Variants in ZNF343 observed in about 807,000 individuals in gnomAD.
ZNF343 encodes zinc finger protein 343.
A neutral mutation model predicts 13.8 loss-of-function variants in ZNF343; 11 were observed. That is an observed-to-expected ratio of 0.80 (90% CI 0.50 to 1.32). The LOEUF is 1.32. Among genes scored for constraint, ZNF343 ranks in the 40% most tolerant of loss-of-function variants. The pLI, the probability that ZNF343 is intolerant of heterozygous loss-of-function variation, is 0.00. For synonymous variants in ZNF343, 248 were observed against 260.0 expected, an observed-to-expected ratio of 0.95 and a Z score of 0.44; for missense variants, 658 against 714.2, an observed-to-expected ratio of 0.92 and a Z score of 0.90.
At chr20:2,516,217 G>T (rs774098429) in intron 1 of ZNF343, among the ~76,000 whole-genome samples, 1 of 152,084 alleles carries the variant, frequency 6.6e-6, no homozygotes, top group Non-Finnish European at 1.5e-5. Flanking sequence ...TGATTTAGAA[G>T]CCAAATGTCC....
chr20:2,497,479 A>C (rs2085479323), intron 2 of ZNF343, among the ~76,000 whole-genome samples: 1 of 152,232 alleles, frequency 6.6e-6, no homozygotes, highest in Non-Finnish European at 1.5e-5. Flanking sequence ...AGGTGTGTCA[A>C]GGAGGAAGAA....
chr20:2,524,989 C>T (rs2085799045), upstream of ZNF343, among the ~76,000 whole-genome samples: 1 of 152,228 alleles, frequency 6.6e-6, no homozygotes, highest in Admixed American at 6.5e-5. Flanking sequence ...TCCCCGCTTC[C>T]CGGCTTCCCG....
At chr20:2,490,896 G>A (rs547110150) in intron 5 of ZNF343, among the ~76,000 whole-genome samples, 41 of 152,232 alleles carry the variant, frequency 2.7e-4, no homozygotes, top group Non-Finnish European at 1.6e-4. Flanking sequence ...CACACAGAAC[G>A]AGTCCGAAAT....
rs771008880 is a variant in ZNF343 at position 2,492,766 on chromosome 20, C to CA, written c.236dup (p.Ser80GlufsTer68). On this transcript the variant is annotated frameshift_variant, in exon 5 of 6. Transcript: ENST00000278772. LOFTEE classifies it high-confidence loss of function. ...TGTATAGATTCCTCTGCTCTGGACT[C>CA]AGTCTCTTCCATTCTGCTTCTGTGA... The CA allele has an allele frequency of 1.9e-6, 3 of 1,613,630 alleles. No individual in the cohort carries two copies. The highest frequency in any genetic ancestry group is 2.5e-6 in the Non-Finnish European group (3 of 1,179,924).
intron 2 of ZNF343, among the ~76,000 whole-genome samples, chr20:2,495,690 T>C (rs2085447470): frequency 6.6e-6 from 1 of 151,458 alleles, no homozygotes; most frequent in East Asian, 1.9e-4. Flanking sequence ...TTTTCTTTTT[T>C]TTTTTTTTGA....
chr20:2,482,797 T>TC lies in ZNF343; in HGVS notation c.*363_*364insG. The TC allele has an allele frequency of 4.3e-6, 1 of 234,368 alleles. No individual in the cohort carries two copies. The highest frequency in any genetic ancestry group is 9.3e-5 in the East Asian group (1 of 10,700). 14.5% of individuals were successfully genotyped at this position (234,368 alleles called of 1,614,324 possible). A position where few individuals can be genotyped will look rare whatever the true frequency, so the allele number is the denominator to read the frequency against. ...TGTGCCTGAGTGTCCATTCTTTTAC[T>TC]GATGCTCCCCAACACTCCCCAGACA... On this transcript the variant is annotated 3_prime_UTR_variant, in exon 6 of 6. Coordinates refer to ENST00000278772, the MANE Select transcript of ZNF343 (RefSeq NM_024325.6).
upstream of ZNF343, among the ~76,000 whole-genome samples, chr20:2,513,699 A>G (rs1600082748): frequency 6.6e-6 from 1 of 152,258 alleles, no homozygotes; most frequent in African/African-American, 2.4e-5. Context: ...CATCAGCACT[A>G]TTCAGAATAG....
intron 2 of ZNF343, among the ~76,000 whole-genome samples, chr20:2,497,403 C>A (rs1318289245): frequency 6.6e-6 from 1 of 152,106 alleles, no homozygotes; most frequent in Non-Finnish European, 1.5e-5. Flanking sequence ...TCAGGGAAGA[C>A]AGAGAAGTAG....
intron 2 of ZNF343, among the ~76,000 whole-genome samples, chr20:2,497,689 G>T (rs2085483310): frequency 6.6e-6 from 1 of 152,182 alleles, no homozygotes; most frequent in South Asian, 2.1e-4. Context: ...GGGGAGTTTT[G>T]CAATAAAGGA....
At chr20:2,484,715 C>T (rs956331927) in intron 5 of ZNF343, 59 bp from the exon 6 acceptor site, 60 of 1,488,192 alleles carry the variant, frequency 4.0e-5, no homozygotes, top group Non-Finnish European at 5.3e-5. Context: ...AGTTGTTCTG[C>T]CTTGTCTTAG....
At position 2,518,760 on chromosome 20, in the gene ZNF343, T is replaced by C. The variant is rs549684362; in HGVS notation, c.-347+5695A>G. 7.0e-4 allele frequency among the ~76,000 whole-genome samples: 106 copies of C among 152,286 alleles called. No individual in the cohort carries two copies. The highest frequency in any genetic ancestry group is 2.5e-3 in the African/African-American group (103 of 41,554). On this transcript the variant is annotated intron_variant, in intron 1 of 6. Coordinates refer to the ZNF343 transcript ENST00000358413. The surrounding 1 kb of genome is among the most constrained non-coding windows in gnomAD (Gnocchi z 4.6). ...CCTGTAAACCATTCAGTGCCTACCC[T>C]TGCAGCCCACACCCACTGATAATGG... is the stretch of plus-strand genomic sequence containing the variant.
intron 1 of ZNF343, among the ~76,000 whole-genome samples, chr20:2,504,074 A>G (rs955893205): frequency 6.6e-6 from 1 of 152,140 alleles, no homozygotes; most frequent in Non-Finnish European, 1.5e-5. Context: ...CAAGACTAAT[A>G]AAGAAGAAAA....
intron 2 of ZNF343, among the ~76,000 whole-genome samples, chr20:2,497,597 GT>G (rs1343018868): frequency 6.6e-6 from 1 of 152,206 alleles, no homozygotes; most frequent in Non-Finnish European, 1.5e-5. Context: ...GGCAAGAACA[GT>G]TTCTGGAGGG....
At chr20:2,506,589 T>C (rs2085661105) in intron 1 of ZNF343, among the ~76,000 whole-genome samples, 1 of 152,212 alleles carries the variant, frequency 6.6e-6, no homozygotes, top group Non-Finnish European at 1.5e-5. Context: ...ATGTGGCACA[T>C]GTACACCACG....
At chr20:2,509,776 A>C (rs955333559), upstream of ZNF343, among the ~76,000 whole-genome samples, 4 of 152,242 alleles carry the variant, frequency 2.6e-5, no homozygotes, top group Non-Finnish European at 5.9e-5. Context: ...TTCAGCTCAT[A>C]GGAGGCGCGT....
intron 1 of ZNF343, among the ~76,000 whole-genome samples, chr20:2,523,184 C>T (rs1383445614): frequency 6.6e-6 from 1 of 152,194 alleles, no homozygotes; most frequent in African/African-American, 2.4e-5. Flanking sequence ...AGCACCATGA[C>T]AGTTTACAGA....
At chr20:2,502,307 C>T (rs910951486) in intron 1 of ZNF343, among the ~76,000 whole-genome samples, 4 of 152,102 alleles carry the variant, frequency 2.6e-5, no homozygotes, top group African/African-American at 7.2e-5. Flanking sequence ...AAATATGGGA[C>T]TATGTGAAAA....
rs771504620 is a variant in ZNF343, at chr20:2,484,417, C to T, written c.544G>A (p.Ala182Thr). 6.2e-7 allele frequency: 1 copy of T among 1,614,192 alleles called. No individual in the cohort carries two copies. Among genetic ancestry groups the T allele is most frequent in the East Asian group, 2.2e-5 (1 of 44,882 alleles). Residue 182 changes from alanine to threonine, a missense_variant, in exon 6 of 6, where the codon GCA becomes ACA. Physicochemically the swap from Ala to Thr is moderately conservative, Grantham distance 58. Coordinates refer to ENST00000278772, the MANE Select transcript of ZNF343 (RefSeq NM_024325.6). The stretch of plus-strand genomic sequence containing the variant: ...GAGGTTTCTCTCTCCTCTGTCCTTG[C>T]AGACCAGGGTTTGGAGCCACCTCCT... ...ERGGGSKPWSARTEERETSRA... is the reference protein window; with the variant it reads ...ERGGGSKPWSTRTEERETSRA...
At chr20:2,496,664 T>C (rs2085463874) in intron 2 of ZNF343, among the ~76,000 whole-genome samples, 1 of 152,064 alleles carries the variant, frequency 6.6e-6, no homozygotes, top group South Asian at 2.1e-4. Context: ...TGGACGAAAG[T>C]GGACACAGTG....
Sources: gnomAD v4.1 joint callset for allele counts (sites outside exome capture counted in the v4.1 genomes callset) on GRCh38, gnomAD v4.1.1 for gene constraint, Gnocchi (gnomAD v3.1) non-coding constraint, MANE v1.5 for transcripts, NCBI Gene and HGNC (gene_info 2026-07-23, HGNC 2026-07-21) for gene names.